Variants in LINGO2 observed in about 807,000 individuals in gnomAD.
LINGO2 encodes the protein leucine-rich repeat and immunoglobulin-like domain-containing nogo receptor-interacting protein 2.
In LINGO2, 14 loss-of-function variants were observed where a neutral mutation model predicts 30.6. The observed-to-expected ratio is 0.46, with a 90% confidence interval of 0.30 to 0.72. The LOEUF is 0.72. LINGO2 is among the 30% of genes least tolerant of loss of function. The probability of loss-of-function intolerance (pLI) is 0.07; values close to 1 mark genes in which losing one functional copy is unlikely to be tolerated. For missense variants in LINGO2, 729 were observed against 751.7 expected (o/e 0.97, Z 0.35); for synonymous variants, 317 against 288.5 (o/e 1.10, Z -1.00).
chr9:28,040,970 A>T (rs1216254195), intron 4 of LINGO2, among the ~76,000 whole-genome samples: 1 of 152,194 alleles, frequency 6.6e-6, no homozygotes, highest in African/African-American at 2.4e-5. Flanking sequence ...TTGGCAGGAA[A>T]GACAGTCACA....
chr9:28,127,021 C>T (rs189338836), intron 4 of LINGO2, among the ~76,000 whole-genome samples: 1 of 152,274 alleles, frequency 6.6e-6, no homozygotes, highest in East Asian at 1.9e-4. Context: ...ATCTTAAAAT[C>T]AGCTATTTTA....
intron 3 of LINGO2, among the ~76,000 whole-genome samples, chr9:28,357,322 C>A (rs371121280): frequency 1.5e-4 from 22 of 144,344 alleles, no homozygotes; most frequent in African/African-American, 5.4e-4. Context: ...AAAGCCCACC[C>A]CCCCCAAAAA....
the LINGO2 span, among the ~76,000 whole-genome samples, chr9:29,072,572 T>A: frequency 2.0e-5 from 3 of 147,098 alleles, no homozygotes; most frequent in Non-Finnish European, 4.5e-5. Flanking sequence ...ATCTCAAGGA[T>A]CCTAATAATT....
intron 4 of LINGO2, among the ~76,000 whole-genome samples, chr9:28,220,198 T>A (rs4304415): frequency 0.16 from 23,742 of 152,060 alleles, 1,990 homozygotes; most frequent in South Asian, 0.28. Flanking sequence ...GATTTTCGTA[T>A]CTCTGGGAGT....
At chr9:29,031,717 T>G in the LINGO2 span, among the ~76,000 whole-genome samples, 1 of 151,998 alleles carries the variant, frequency 6.6e-6, no homozygotes, top group African/African-American at 2.4e-5. Context: ...AAAAATGGAG[T>G]ATAATTTTAA....
At chr9:28,862,637 G>A in the LINGO2 span, among the ~76,000 whole-genome samples, 1 of 152,068 alleles carries the variant, frequency 6.6e-6, no homozygotes, top group Non-Finnish European at 1.5e-5. Context: ...CAATGATGAT[G>A]CAAAAGTAAT....
chr9:28,174,898 C>CCGTG (rs1828700758), intron 4 of LINGO2, among the ~76,000 whole-genome samples: 1 of 141,010 alleles, frequency 7.1e-6, no homozygotes, highest in Admixed American at 7.1e-5. Context: ...ATTTGTGTCT[C>CCGTG]TGTGTGTGTG....
intron 1 of LINGO2, among the ~76,000 whole-genome samples, chr9:28,568,230 A>C (rs1224786532): frequency 6.6e-6 from 1 of 152,086 alleles, no homozygotes; most frequent in Non-Finnish European, 1.5e-5. Context: ...AAAGAGAAAA[A>C]AACAAATACC....
intron 4 of LINGO2, among the ~76,000 whole-genome samples, chr9:28,075,406 G>A (rs1362963457): frequency 1.3e-5 from 2 of 151,654 alleles, no homozygotes; most frequent in Non-Finnish European, 3.0e-5. Context: ...AATTAATGCT[G>A]TACACTTATT....
intron 4 of LINGO2, among the ~76,000 whole-genome samples, chr9:28,222,752 C>T (rs1479357721): frequency 6.6e-6 from 1 of 152,106 alleles, no homozygotes; most frequent in Non-Finnish European, 1.5e-5. Flanking sequence ...GGTGCTAAAA[C>T]ATCTAGAAAT....
At chr9:28,435,006 TA>T (rs933652706) in intron 2 of LINGO2, among the ~76,000 whole-genome samples, 6 of 152,126 alleles carry the variant, frequency 3.9e-5, no homozygotes, top group East Asian at 1.9e-4. Context: ...TCATTTTACT[TA>T]AAAAAAATTC....
At chr9:28,085,168 T>C (rs1825874476) in intron 4 of LINGO2, among the ~76,000 whole-genome samples, 1 of 152,088 alleles carries the variant, frequency 6.6e-6, no homozygotes, top group African/African-American at 2.4e-5. Context: ...TTATACTGTA[T>C]TTTGCAATTA....
At chr9:28,337,615 C>T (rs999436746) in intron 3 of LINGO2, among the ~76,000 whole-genome samples, 19 of 152,152 alleles carry the variant, frequency 1.2e-4, no homozygotes, top group African/African-American at 4.1e-4. Context: ...GGTCTAGATA[C>T]CCATTGCTCT....
At chr9:28,088,116 T>C (rs1417916905) in intron 4 of LINGO2, among the ~76,000 whole-genome samples, 1 of 151,972 alleles carries the variant, frequency 6.6e-6, no homozygotes, top group Non-Finnish European at 1.5e-5. Context: ...TCTGAACATC[T>C]GTTTTCTTAT....
chr9:28,851,111 C>T, the LINGO2 span, among the ~76,000 whole-genome samples: 5 of 152,006 alleles, frequency 3.3e-5, no homozygotes, highest in South Asian at 6.2e-4. Context: ...AATGTTAGCC[C>T]GATGCTCACT....
intron 3 of LINGO2, among the ~76,000 whole-genome samples, chr9:28,355,183 C>G (rs1376500837): frequency 2.6e-5 from 4 of 151,412 alleles, no homozygotes; most frequent in Non-Finnish European, 1.5e-5. Context: ...TATTTTTTTT[C>G]TTCATTGCCC....
intron 4 of LINGO2, among the ~76,000 whole-genome samples, chr9:28,062,100 G>T (rs1185587877): frequency 6.6e-6 from 1 of 152,002 alleles, no homozygotes; most frequent in African/African-American, 2.4e-5. Flanking sequence ...AGATATTTCA[G>T]CACCACAGAA....
intron 4 of LINGO2, among the ~76,000 whole-genome samples, chr9:28,093,395 C>T (rs547572723): frequency 3.9e-5 from 6 of 152,038 alleles, no homozygotes; most frequent in African/African-American, 1.2e-4. Context: ...TGAGGCAGAC[C>T]GTGACACTGC....
At chr9:29,181,416 C>A in the LINGO2 span, among the ~76,000 whole-genome samples, 3 of 151,970 alleles carry the variant, frequency 2.0e-5, no homozygotes, top group African/African-American at 2.4e-5. Flanking sequence ...AAACTACTTA[C>A]GTAGCAAACT....
Sources: gnomAD v4.1 joint callset for allele counts (sites outside exome capture counted in the v4.1 genomes callset) on GRCh38, gnomAD v4.1.1 for gene constraint, MANE v1.5 for transcripts, NCBI Gene and HGNC (gene_info 2026-07-23, HGNC 2026-07-21) for gene names.